RSPH14: variants seen among roughly 807,000 people sequenced by gnomAD.
RSPH14 encodes the protein radial spoke head 14 homolog.
Under a neutral mutation model 26.7 loss-of-function variants are expected in RSPH14, and 20 were observed. The ratio of observed to expected loss-of-function variants is 0.75; its 90% CI spans 0.53 to 1.09. The LOEUF is 1.09. Ranked by LOEUF, RSPH14 falls within the 50% of genes least tolerant of loss-of-function variation. RSPH14 has a pLI of 0.00. For synonymous variants in RSPH14, 177 were observed against 189.3 expected (o/e 0.93, Z 0.53); for missense variants, 449 against 457.2 (o/e 0.98, Z 0.16).
In RSPH14 at chr22:23,072,758, G is replaced by A. The variant is rs1601743764; in HGVS notation, c.422-8625C>T. Among the ~76,000 whole-genome samples, 2 of 152,210 alleles carry A rather than the reference G, an allele frequency of 1.3e-5. 1 individual carries two copies. Among genetic ancestry groups the A allele is most frequent in the African/African-American group, 4.8e-5 (2 of 41,450 alleles). On this transcript the variant is annotated intron_variant, in intron 4 of 6. Transcript: ENST00000216036. ...ATGTGACTGTGGGTTTGGGACACAG[G>A]GAATGGATTCTTCCCTCTGTCCCCA...
rs1294507753 is a variant in RSPH14, at chr22:23,076,568, C to T, written c.422-12435G>A. Reference sequence around the variant, plus strand: ...CAGGTGGATGCTACCAGCTGGGCCCCGTCAGGCCCAACTGTGGGTTACTCT... The same window carrying T: ...CAGGTGGATGCTACCAGCTGGGCCCTGTCAGGCCCAACTGTGGGTTACTCT... On this transcript the variant is annotated intron_variant, in intron 4 of 6. Transcript: ENST00000216036. Among the ~76,000 whole-genome samples, 6 of 152,294 alleles carry T rather than the reference C, an allele frequency of 3.9e-5. No individual in the cohort carries two copies. The East Asian group carries it at 7.7e-4, about 20-fold the overall frequency.
chr22:23,145,264 C>A (rs190569085), upstream of RSPH14: 1,584 of 486,472 alleles, frequency 3.3e-3, 19 homozygotes, highest in Non-Finnish European at 5.0e-3. Flanking sequence ...GCCCACCCAT[C>A]CAGCACCGCC....
chr22:23,156,304 A>G, the RSPH14 span: 1 of 369,868 alleles, frequency 2.7e-6, no homozygotes, highest in South Asian at 2.6e-5. Context: ...AGATGCTCAG[A>G]GATGAAAGTG....
intron 4 of RSPH14, among the ~76,000 whole-genome samples, chr22:23,112,796 C>T (rs2069691224): frequency 6.6e-6 from 1 of 152,086 alleles, no homozygotes; most frequent in Non-Finnish European, 1.5e-5. Context: ...ACAGAAGACC[C>T]TCAGTGGGGA....
the RSPH14 span, among the ~76,000 whole-genome samples, chr22:23,168,934 C>T: frequency 6.6e-6 from 1 of 152,208 alleles, no homozygotes; most frequent in Non-Finnish European, 1.5e-5. Flanking sequence ...CACTAGGCCT[C>T]TGCTCACTGG....
At chr22:23,118,007 G>A (rs1276249604) in intron 4 of RSPH14, among the ~76,000 whole-genome samples, 1 of 152,198 alleles carries the variant, frequency 6.6e-6, no homozygotes, top group Non-Finnish European at 1.5e-5. Flanking sequence ...ACGTTCAGGG[G>A]AAATACCCCA....
At chr22:23,115,371 G>A (rs2069795916) in intron 4 of RSPH14, among the ~76,000 whole-genome samples, 1 of 152,214 alleles carries the variant, frequency 6.6e-6, no homozygotes, top group East Asian at 1.9e-4. Context: ...TGGATCCAGA[G>A]TAGGGAGGTG....
rs2069806567 is a variant in RSPH14 at position 23,115,591 on chromosome 22, G to A, written c.421+18435C>T. ...CCTTCCTAGAACAGGAAGGTGGGGTGACCCTGCAGGGTGGCCTCCCACACC... is the reference window on the plus strand; with the variant it reads ...CCTTCCTAGAACAGGAAGGTGGGGTAACCCTGCAGGGTGGCCTCCCACACC... On this transcript the variant is annotated intron_variant, in intron 4 of 6. Transcript: ENST00000216036. 2.6e-5 allele frequency among the ~76,000 whole-genome samples: 4 copies of A among 152,222 alleles called. No individual in the cohort carries two copies. The South Asian group carries it at 8.3e-4, about 32-fold the overall frequency.
chr22:23,078,436 C>T lies in RSPH14; in HGVS notation c.422-14303G>A, dbSNP rs2068570008. ...GGCACTGGTGGGGCTGCCCTTGTCC[C>T]CCCAACACTGCCCACCTCCTCCAAG... On this transcript the variant is annotated intron_variant, in intron 4 of 6. Transcript: ENST00000216036. Among the ~76,000 whole-genome samples, 6 of 152,202 alleles carry T rather than the reference C, an allele frequency of 3.9e-5. No homozygotes were observed. The South Asian group carries it at 1.2e-3, about 32-fold the overall frequency.
At chr22:23,128,379 G>T (rs1403945119) in intron 4 of RSPH14, among the ~76,000 whole-genome samples, 4 of 152,218 alleles carry the variant, frequency 2.6e-5, no homozygotes, top group African/African-American at 9.6e-5. Flanking sequence ...AGCAGACCCT[G>T]TGCATCACTC....
chr22:23,159,369 C>T, the RSPH14 span: 1 of 1,014,190 alleles, frequency 9.9e-7, no homozygotes, highest in Non-Finnish European at 1.4e-6. Context: ...CCTCTGTGGC[C>T]CTGGTGCACA....
chr22:23,081,527 T>C (rs764271924), intron 4 of RSPH14, among the ~76,000 whole-genome samples: 1 of 151,970 alleles, frequency 6.6e-6, no homozygotes, highest in Non-Finnish European at 1.5e-5. Context: ...AATCAGGTTA[T>C]AGGCCAATAT....
chr22:23,106,343 A>G (rs527924492), intron 4 of RSPH14, among the ~76,000 whole-genome samples: 37 of 152,338 alleles, frequency 2.4e-4, no homozygotes, highest in Non-Finnish European at 4.9e-4. Context: ...GGGTGCCAAC[A>G]TCCTGGAGGC....
At chr22:23,170,431 C>A in the RSPH14 span, among the ~76,000 whole-genome samples, 1 of 152,152 alleles carries the variant, frequency 6.6e-6, no homozygotes, top group Admixed American at 6.5e-5. Flanking sequence ...AATTTGAGAG[C>A]GCTCTTCAGG....
At chr22:23,096,220 C>G (rs1485440291) in intron 4 of RSPH14, 1 of 1,613,766 alleles carries the variant, frequency 6.2e-7, no homozygotes, top group African/African-American at 1.3e-5. Flanking sequence ...TCGAGGACAT[C>G]CTGCGCTCCC....
intron 4 of RSPH14, among the ~76,000 whole-genome samples, chr22:23,112,419 G>A (rs770593784): frequency 6.6e-6 from 1 of 152,210 alleles, no homozygotes; most frequent in Non-Finnish European, 1.5e-5. Flanking sequence ...CCTTCCACCA[G>A]GTACATGGTT....
At chr22:23,092,903 G>GT (rs2069024859) in intron 4 of RSPH14, among the ~76,000 whole-genome samples, 1 of 152,244 alleles carries the variant, frequency 6.6e-6, no homozygotes, top group South Asian at 2.1e-4. Flanking sequence ...CTCCCACTGG[G>GT]TTGGACACTG....
intron 4 of RSPH14, among the ~76,000 whole-genome samples, chr22:23,130,084 G>GAAAGAAAGAGAAAGA (rs2070291467): frequency 5.8e-5 from 3 of 51,756 alleles, no homozygotes; most frequent in African/African-American, 1.6e-4. Context: ...AGAAAGAAAG[G>GAAAGAAAGAGAAAGA]AAGAAAGAAA....
rs777268571 is a variant in RSPH14 at position 23,134,031 on chromosome 22, G to C, written c.416C>G (p.Pro139Arg). The C allele has an allele frequency of 1.9e-6, 3 of 1,612,592 alleles. No homozygotes were observed. The highest frequency in any genetic ancestry group is 2.5e-6 in the Non-Finnish European group (3 of 1,178,744). The change falls in exon 4 of 7, where the codon CCT becomes CGT. Residue 139 changes from proline (P) to arginine (R), a missense_variant. By Grantham distance (103) the Pro-to-Arg change is moderately radical. Transcript: ENST00000216036. The part of the protein sequence containing the change: ...YKAYMQLVQV[P>R]RGAQEIISKG... ...TGTGCAGGACGCAAGCCTACCTCTAGGCACCTGGACCAGCTGCATGTATGC... is the reference window on the plus strand; with the variant it reads ...TGTGCAGGACGCAAGCCTACCTCTACGCACCTGGACCAGCTGCATGTATGC...
Sources: gnomAD v4.1 joint callset for allele counts (sites outside exome capture counted in the v4.1 genomes callset) on GRCh38, gnomAD v4.1.1 for gene constraint, MANE v1.5 for transcripts, NCBI Gene and HGNC (gene_info 2026-07-23, HGNC 2026-07-21) for gene names.